Variants in MDM2 observed in about 807,000 individuals in gnomAD.
The protein encoded by MDM2 is MDM2 proto-oncogene.
In MDM2, 11 loss-of-function variants were observed where a neutral mutation model predicts 64.3. The observed-to-expected ratio is 0.17, with a 90% CI of 0.11 to 0.28. MDM2 has a LOEUF of 0.28. Among genes scored for constraint, MDM2 ranks in the 10% least tolerant of loss-of-function variants. MDM2 has a pLI of 1.00. For missense variants in MDM2, 388 were observed against 577.1 expected (o/e 0.67, Z 3.36); for synonymous variants, 194 against 192.9 (o/e 1.01, Z -0.05).
In MDM2 at chr12:68,841,479, T is replaced by C. The variant is rs562580143; in HGVS notation, c.*1630T>C. ...GGAGTAATGATGTTATCTGTGAAAA[T>C]AGCCACCATTTACCCGTAAGACAAA... On this transcript the variant is annotated 3_prime_UTR_variant, in exon 11 of 11. Coordinates refer to ENST00000258149, the MANE Select transcript of MDM2 (RefSeq NM_002392.6). 61 of 208,894 alleles carry C rather than the reference T, an allele frequency of 2.9e-4. No individual in the cohort carries two copies. Among genetic ancestry groups the C allele is most frequent in the Middle Eastern group, 1.6e-3 (1 of 638 alleles). 12.9% of individuals were successfully genotyped at this position (208,894 alleles called of 1,614,324 possible).
chr12:68,849,766 C>G (rs1884576336), downstream of MDM2: 1 of 152,022 alleles, frequency 6.6e-6, no homozygotes, highest in Non-Finnish European at 1.5e-5. Context: ...ACATGAGCCA[C>G]CATGCCTGGC....
chr12:68,822,396 T>C (rs933887771), intron 5 of MDM2, among the ~76,000 whole-genome samples: 1 of 150,732 alleles, frequency 6.6e-6, no homozygotes, highest in Non-Finnish European at 1.5e-5. Flanking sequence ...CTTTAGATTG[T>C]ATCCTTTTTA....
In MDM2 at chr12:68,826,175, G is replaced by A. The variant is rs565220751; in HGVS notation, c.523+1524G>A. Among the ~76,000 whole-genome samples the A allele has an allele frequency of 5.3e-5, 8 of 152,080 alleles. No individual in the cohort carries two copies. In the South Asian group the frequency reaches 8.3e-4, roughly 16 times the overall value. ...AGAGGGTGAATTTTGGTGATTTTTA[G>A]CTTTACAGATAGTAAAAAATGCCAA... On this transcript the variant is annotated intron_variant, in intron 7 of 10. Transcript: ENST00000258149.
In MDM2 at chr12:68,840,495, G is replaced by T; in HGVS notation, c.*646G>T. On this transcript the variant is annotated 3_prime_UTR_variant, in exon 11 of 11. Coordinates refer to ENST00000258149, the MANE Select transcript of MDM2 (RefSeq NM_002392.6). ...AAAGAGAAAATGTGTGAAAGATTTA[G>T]TTTTTTGTTTTTTTGTTTGTTTGTT... 1 of 186,866 alleles carries T rather than the reference G, an allele frequency of 5.4e-6. No homozygotes were observed. The highest frequency in any genetic ancestry group is 1.1e-5 in the Non-Finnish European group (1 of 91,224). 11.6% of individuals were successfully genotyped at this position (186,866 alleles called of 1,614,324 possible). A position where few individuals can be genotyped will look rare whatever the true frequency, so the allele number is the denominator to read the frequency against.
chr12:68,830,773 T>C (rs1882729118), intron 8 of MDM2, among the ~76,000 whole-genome samples: 1 of 152,178 alleles, frequency 6.6e-6, no homozygotes, highest in Non-Finnish European at 1.5e-5. Flanking sequence ...CAATCTTGGC[T>C]CACTGCAACC....
intron 7 of MDM2, among the ~76,000 whole-genome samples, chr12:68,826,301 G>A (rs529599964): frequency 5.3e-5 from 8 of 151,952 alleles, no homozygotes; most frequent in African/African-American, 7.2e-5. Flanking sequence ...ATAAACTGTT[G>A]GTCTGTAAAT....
chr12:68,829,002 A>G (rs762328343), intron 8 of MDM2, 71 bp downstream of exon 8: 11 of 1,441,872 alleles, frequency 7.6e-6, no homozygotes, highest in East Asian at 2.3e-5. Context: ...CCTAATAAGG[A>G]TACGGATAGA....
intron 7 of MDM2, 184 bp from the exon 8 acceptor site, chr12:68,828,587 A>G: frequency 5.7e-6 from 3 of 528,152 alleles, no homozygotes; most frequent in Non-Finnish European, 1.0e-5. Flanking sequence ...CAATAAATAA[A>G]TAAACAAATA....
chr12:68,843,867 C>G lies in MDM2; in HGVS notation c.*4018C>G. On this transcript the variant is annotated 3_prime_UTR_variant, in exon 11 of 11. Transcript: ENST00000258149. Reference sequence around the variant, plus strand: ...GCATTATTTGGAGTTGATAATACTTCAGCTTCAATTTGGAGTTGATAATAT... The same window carrying G: ...GCATTATTTGGAGTTGATAATACTTGAGCTTCAATTTGGAGTTGATAATAT... 1 of 216,230 alleles carries G rather than the reference C, an allele frequency of 4.6e-6. No individual in the cohort carries two copies. The highest frequency in any genetic ancestry group is 6.9e-5 in the East Asian group (1 of 14,512). 13.4% of individuals were successfully genotyped at this position (216,230 alleles called of 1,614,324 possible).
chr12:68,813,125 T>C (rs929087218), intron 2 of MDM2, among the ~76,000 whole-genome samples: 1 of 152,162 alleles, frequency 6.6e-6, no homozygotes, highest in Non-Finnish European at 1.5e-5. Flanking sequence ...TTAATTACCC[T>C]TGTCAGCTTG....
chr12:68,849,957 T>G (rs1345650590), downstream of MDM2: 1 of 151,786 alleles, frequency 6.6e-6, no homozygotes, highest in East Asian at 2.0e-4. Context: ...AGCAGAGAAA[T>G]AATAGTTCTA....
Position 68,833,296 on chromosome 12 carries a change from TTTATATAAATATAAAAATATAA to T in MDM2, c.685-2511_685-2490del, listed in dbSNP as rs1311974342. Among the ~76,000 whole-genome samples the T allele has an allele frequency of 1.0e-3, 124 of 123,868 alleles. 11 individuals carry two copies. The highest frequency in any genetic ancestry group is 1.6e-3 in the Non-Finnish European group (93 of 59,490). 81.3% of individuals were successfully genotyped at this position (123,868 alleles called of 152,430 possible). ...ATTTATATAAATATAAATATATATA[TTTATATAAATATAAAAATATAA>T]TTATATAAATATAAAAATATATATT... On this transcript the variant is annotated intron_variant, in intron 8 of 10. Coordinates refer to ENST00000258149, the MANE Select transcript of MDM2 (RefSeq NM_002392.6).
At chr12:68,835,740 A>G (rs1460785396) in intron 8 of MDM2, 89 bp from the exon 9 acceptor site, 1 of 1,263,974 alleles carries the variant, frequency 7.9e-7, no homozygotes, top group African/African-American at 1.5e-5. Context: ...CCCTGCTGGC[A>G]GCAGCAGAGG....
At chr12:68,839,234 AG>A in intron 10 of MDM2, 39 bp from the exon 11 acceptor site, 2 of 1,574,346 alleles carry the variant, frequency 1.3e-6, no homozygotes, top group Non-Finnish European at 1.7e-6. Context: ...GAGCAGTTAA[AG>A]GGTTACAGAA....
chr12:68,844,008 C>T lies in MDM2; in HGVS notation c.*4159C>T, dbSNP rs550078504. 1.2e-4 allele frequency: 24 copies of T among 206,970 alleles called. No individual in the cohort carries two copies. Among genetic ancestry groups the T allele is most frequent in the African/African-American group, 3.2e-4 (14 of 43,798 alleles). 12.8% of individuals were successfully genotyped at this position (206,970 alleles called of 1,614,324 possible). ...GAATCTGTTTTTTTCTGAGGAGTAT[C>T]GGTAGCATAAATGTGATTATAAACA... On this transcript the variant is annotated 3_prime_UTR_variant, in exon 11 of 11. Transcript: ENST00000258149.
At chr12:68,818,230 A>G (rs3730536) in intron 4 of MDM2, among the ~76,000 whole-genome samples, 48,667 of 152,108 alleles carry the variant, frequency 0.32, 9,427 homozygotes, top group South Asian at 0.54. Flanking sequence ...TTAATGCTCA[A>G]TAGTATAGCT....
At chr12:68,826,588 G>T (rs1050653825) in intron 7 of MDM2, among the ~76,000 whole-genome samples, 1 of 148,638 alleles carries the variant, frequency 6.7e-6, no homozygotes, top group Non-Finnish European at 1.5e-5. Flanking sequence ...TGTGGAGGTT[G>T]CAGTGAACCA....
At position 68,840,888 on chromosome 12, in the gene MDM2, A is replaced by G. The variant is rs1279653880; in HGVS notation, c.*1039A>G. The G allele has an allele frequency of 2.4e-5, 3 of 124,748 alleles. No homozygotes were observed. Among genetic ancestry groups the G allele is most frequent in the African/African-American group, 1.1e-4 (3 of 28,512 alleles). The allele number at this position is 124,748 out of a possible 1,614,324, so 7.7% of individuals were successfully genotyped here. A position where few individuals can be genotyped will look rare whatever the true frequency, so the allele number is the denominator to read the frequency against. ...GAGACAGAGTCTTGCTCCATCACCC[A>G]TGCTAGAGTGCAGTGGAGTGATCTC... On this transcript the variant is annotated 3_prime_UTR_variant, in exon 11 of 11. Coordinates refer to ENST00000258149, the MANE Select transcript of MDM2 (RefSeq NM_002392.6).
intron 5 of MDM2, among the ~76,000 whole-genome samples, chr12:68,821,605 C>T (rs1203377093): frequency 5.9e-5 from 9 of 152,192 alleles, no homozygotes; most frequent in East Asian, 1.9e-4. Flanking sequence ...TGCCTGTAGT[C>T]CTAGCTACTC....
Sources: allele counts gnomAD v4.1 joint callset (sites outside exome capture counted in the v4.1 genomes callset), GRCh38; gene constraint gnomAD v4.1.1; transcripts MANE v1.5; gene names NCBI Gene and HGNC (gene_info 2026-07-23, HGNC 2026-07-21).